NTM: variants seen among roughly 807,000 people sequenced by gnomAD.
NTM encodes neurotrimin.
A neutral mutation model predicts 42.1 loss-of-function variants in NTM; 13 were observed. The observed-to-expected ratio is 0.31, with a 90% CI of 0.20 to 0.49. NTM has a LOEUF of 0.49. NTM is among the 20% of genes least tolerant of loss of function. The pLI is 0.99. For synonymous variants in NTM, 187 were observed against 179.2 expected (o/e 1.04, Z -0.35); for missense variants, 373 against 452.8 (o/e 0.82, Z 1.60).
chr11:131,687,569 C>T (rs971565233), intron 1 of NTM, among the ~76,000 whole-genome samples: 1 of 152,228 alleles, frequency 6.6e-6, no homozygotes, highest in African/African-American at 2.4e-5. Context: ...ACCTCACCTT[C>T]GCCCCCGGGG....
intron 2 of NTM, among the ~76,000 whole-genome samples, chr11:132,114,936 G>A (rs571304112): frequency 6.6e-6 from 1 of 152,316 alleles, no homozygotes; most frequent in African/African-American, 2.4e-5. Flanking sequence ...TTGGGATAGT[G>A]ATTTCATTTT....
At chr11:132,038,936 C>A (rs2076839475) in intron 2 of NTM, among the ~76,000 whole-genome samples, 1 of 152,216 alleles carries the variant, frequency 6.6e-6, no homozygotes, top group Non-Finnish European at 1.5e-5. Flanking sequence ...CATTTCCCAA[C>A]ATGCTTCTTG....
chr11:131,667,245 A>G (rs573657899), intron 1 of NTM, among the ~76,000 whole-genome samples: 1 of 151,454 alleles, frequency 6.6e-6, no homozygotes, highest in South Asian at 2.1e-4. Context: ...TTGCTCTCCA[A>G]CTCTGCTCTT....
In NTM at chr11:131,428,044, A is replaced by G. The variant is rs1046665434; in HGVS notation, c.82+57156A>G. On this transcript the variant is annotated intron_variant, in intron 1 of 8. Coordinates refer to ENST00000683400, the MANE Select transcript of NTM (RefSeq NM_001352005.2). ...GATGACTCTGAAATTTACATCTTTC[A>G]CCAGATCTCTCCCCTGGGATCGAGG... Among the ~76,000 whole-genome samples the G allele has an allele frequency of 2.0e-5, 3 of 152,290 alleles. No homozygotes were observed. In the South Asian group the frequency reaches 6.2e-4, roughly 32 times the overall value.
Position 132,314,544 on chromosome 11 carries a change from T to C in NTM, c.783-8T>C. 1 of 1,603,760 alleles carries C rather than the reference T, an allele frequency of 6.2e-7. No individual in the cohort carries two copies. The highest frequency in any genetic ancestry group is 8.5e-7 in the Non-Finnish European group (1 of 1,175,888). On this transcript the variant is annotated splice_polypyrimidine_tract_variant and splice_region_variant and intron_variant, in intron 6 of 8. Coordinates refer to ENST00000683400, the MANE Select transcript of NTM (RefSeq NM_001352005.2). ...GTTTTCTTCTTTTTTGTCTTTTGTT[T>C]CTCTCAGACTGATTGAAGGAAAGAA...
chr11:131,745,244 G>A (rs950336629), intron 1 of NTM, among the ~76,000 whole-genome samples: 2 of 152,144 alleles, frequency 1.3e-5, no homozygotes, highest in Non-Finnish European at 2.9e-5. Flanking sequence ...GATTCCTAAA[G>A]AGAACAGAAT....
intron 1 of NTM, among the ~76,000 whole-genome samples, chr11:131,554,519 A>AACACAC (rs139415017): frequency 8.8e-5 from 13 of 148,152 alleles, no homozygotes; most frequent in African/African-American, 3.2e-4. Flanking sequence ...GTCACCTGCA[A>AACACAC]ACACACACAC....
chr11:132,146,016 A>G lies in NTM; in HGVS notation c.168-266A>G, dbSNP rs568368033. ...AGTATCCAGCCATCCTGGGCATGCAAGGTACCTCTAGGTTATAACTGAGAT... is the reference window on the plus strand; with the variant it reads ...AGTATCCAGCCATCCTGGGCATGCAGGGTACCTCTAGGTTATAACTGAGAT... On this transcript the variant is annotated intron_variant, in intron 2 of 8. Transcript: ENST00000683400. The surrounding 1 kb of genome is among the most constrained non-coding windows in gnomAD (Gnocchi z 4.5). Among the ~76,000 whole-genome samples, 2 of 152,318 alleles carry G rather than the reference A, an allele frequency of 1.3e-5. No homozygotes were observed. Among genetic ancestry groups the G allele is most frequent in the Non-Finnish European group, 2.9e-5 (2 of 68,028 alleles).
intron 1 of NTM, among the ~76,000 whole-genome samples, chr11:131,789,538 AGAAGAAGAAAAG>A (rs2090228915): frequency 3.4e-5 from 1 of 29,064 alleles, no homozygotes. Flanking sequence ...AAGAAGAAGA[AGAAGAAGAAAAG>A]AAGAAGAAGA....
intron 1 of NTM, among the ~76,000 whole-genome samples, chr11:131,895,863 T>C (rs1170203314): frequency 6.6e-6 from 1 of 152,164 alleles, no homozygotes; most frequent in East Asian, 1.9e-4. Context: ...GGAGGGCATC[T>C]TGGCAGAGCA....
intron 1 of NTM, among the ~76,000 whole-genome samples, chr11:131,852,181 G>A (rs1046523974): frequency 5.3e-5 from 8 of 152,194 alleles, no homozygotes; most frequent in African/African-American, 1.7e-4. Flanking sequence ...GCAAATGGCA[G>A]TCAGTGTGTG....
At chr11:131,614,888 C>T (rs566412338) in intron 1 of NTM, among the ~76,000 whole-genome samples, 8 of 152,352 alleles carry the variant, frequency 5.3e-5, no homozygotes, top group Admixed American at 3.9e-4. Context: ...TGGCCCTGCC[C>T]GCCTGGCTTT....
intron 1 of NTM, among the ~76,000 whole-genome samples, chr11:131,396,922 G>A (rs1048853570): frequency 6.6e-6 from 1 of 151,874 alleles, no homozygotes; most frequent in Non-Finnish European, 1.5e-5. Flanking sequence ...CACCTCTCTG[G>A]GCCTCATTTC....
At chr11:132,066,839 C>T (rs370736232) in intron 2 of NTM, among the ~76,000 whole-genome samples, 1 of 152,188 alleles carries the variant, frequency 6.6e-6, no homozygotes, top group Non-Finnish European at 1.5e-5. Context: ...ATCTATGGAT[C>T]CTTAACTTAA....
intron 1 of NTM, among the ~76,000 whole-genome samples, chr11:131,864,929 G>A (rs1368092374): frequency 1.3e-5 from 2 of 152,124 alleles, no homozygotes; most frequent in Non-Finnish European, 2.9e-5. Flanking sequence ...AGTCGACTGA[G>A]CCAGCAGGGC....
chr11:131,646,549 T>C (rs1483013104), intron 1 of NTM, among the ~76,000 whole-genome samples: 1 of 152,240 alleles, frequency 6.6e-6, no homozygotes, highest in African/African-American at 2.4e-5. Flanking sequence ...ATGCAGATTT[T>C]AGATGAAGTT....
chr11:131,446,459 T>C (rs1187204446), intron 1 of NTM, among the ~76,000 whole-genome samples: 2 of 152,192 alleles, frequency 1.3e-5, no homozygotes, highest in African/African-American at 4.8e-5. Context: ...AACTCTGTTC[T>C]CTCTTTCTTC....
At chr11:131,617,913 G>A (rs528888949) in intron 1 of NTM, among the ~76,000 whole-genome samples, 26 of 152,244 alleles carry the variant, frequency 1.7e-4, no homozygotes, top group African/African-American at 5.1e-4. Flanking sequence ...CCAGTGTGCC[G>A]TCTGACCTTG....
intron 2 of NTM, among the ~76,000 whole-genome samples, chr11:132,062,766 G>A (rs1406298319): frequency 6.6e-6 from 1 of 152,142 alleles, no homozygotes; most frequent in Non-Finnish European, 1.5e-5. Flanking sequence ...ATTTGTTTTG[G>A]CTGCACTTGA....
Sources: allele counts gnomAD v4.1 joint callset (sites outside exome capture counted in the v4.1 genomes callset), GRCh38; gene constraint gnomAD v4.1.1; non-coding constraint Gnocchi (gnomAD v3.1); transcripts MANE v1.5; gene names NCBI Gene and HGNC (gene_info 2026-07-23, HGNC 2026-07-21).